MECOM: variants seen among roughly 807,000 people sequenced by gnomAD.
The protein encoded by MECOM is MDS1 and EVI1 complex locus.
A neutral mutation model predicts 116.3 loss-of-function variants in MECOM; 13 were observed. The observed-to-expected ratio is 0.11, with a 90% CI of 0.07 to 0.18. The LOEUF (loss-of-function observed/expected upper bound fraction) is 0.18. Among genes scored for constraint, MECOM ranks in the 10% least tolerant of loss-of-function variants. The pLI is 1.00. For missense variants in MECOM, 1,299 were observed against 1,509.0 expected (o/e 0.86, Z 2.31); for synonymous variants, 528 against 535.2 (o/e 0.99, Z 0.19).
intron 2 of MECOM, among the ~76,000 whole-genome samples, chr3:169,334,566 TGAG>T (rs147253684): frequency 0.011 from 1,618 of 152,202 alleles, 11 homozygotes; most frequent in East Asian, 0.043. Flanking sequence ...CGCTGGTTGA[TGAG>T]GAGAAGGTCA....
At chr3:169,419,128 G>A (rs1739266028) in intron 1 of MECOM, among the ~76,000 whole-genome samples, 1 of 152,148 alleles carries the variant, frequency 6.6e-6, no homozygotes, top group African/African-American at 2.4e-5. Context: ...CAAATCATGA[G>A]TGAATGTCAT....
chr3:169,659,088 A>AAAAAAAAAAAAAAAGAAAAG (rs1553909425), intron 1 of MECOM, among the ~76,000 whole-genome samples: 2 of 150,962 alleles, frequency 1.3e-5, no homozygotes, highest in African/African-American at 4.9e-5. Flanking sequence ...AAAAAAAAAA[A>AAAAAAAAAAAAAAAGAAAAG]AAAGAAAGAG....
At chr3:169,587,426 A>AACACACACACACACACAC (rs3980637) in intron 1 of MECOM, among the ~76,000 whole-genome samples, 1 of 140,990 alleles carries the variant, frequency 7.1e-6, no homozygotes, top group Non-Finnish European at 1.5e-5. Flanking sequence ...CCCACACGCC[A>AACACACACACACACACAC]ACACACACAC....
At chr3:169,499,246 A>T (rs1754218991) in intron 1 of MECOM, among the ~76,000 whole-genome samples, 1 of 151,240 alleles carries the variant, frequency 6.6e-6, no homozygotes, top group African/African-American at 2.4e-5. Context: ...AAGTACCAAA[A>T]AAGAAAAGTC....
intron 1 of MECOM, among the ~76,000 whole-genome samples, chr3:169,418,083 T>G (rs534212954): frequency 6.7e-6 from 1 of 148,780 alleles, no homozygotes; most frequent in African/African-American, 2.5e-5. Flanking sequence ...ATTGTGCACA[T>G]GTACCCTAAA....
intron 2 of MECOM, among the ~76,000 whole-genome samples, chr3:169,206,789 C>A (rs1749989713): frequency 6.6e-6 from 1 of 151,146 alleles, no homozygotes; most frequent in Admixed American, 6.6e-5. Flanking sequence ...TAGGTCCCAC[C>A]CCAGATTTAT....
chr3:169,482,600 C>T (rs575084024), intron 1 of MECOM, among the ~76,000 whole-genome samples: 140 of 152,122 alleles, frequency 9.2e-4, no homozygotes, highest in Middle Eastern at 3.4e-3. Context: ...TCCCAAAGTG[C>T]TGGGATTACG....
chr3:169,616,408 C>T lies in MECOM; in HGVS notation c.37+46928G>A, dbSNP rs1770011595. On this transcript the variant is annotated intron_variant, in intron 1 of 16. Transcript: ENST00000651503. ...TTGCCCAGGCTGGAGTACAGTGGCA[C>T]GATCTTGGTTCACTGCAACCTCCGC... Among the ~76,000 whole-genome samples the T allele has an allele frequency of 2.6e-5, 4 of 152,198 alleles. No homozygotes were observed. In the South Asian group the frequency reaches 6.2e-4, roughly 24 times the overall value.
chr3:169,404,838 C>G (rs1736434206), intron 1 of MECOM, among the ~76,000 whole-genome samples: 1 of 152,142 alleles, frequency 6.6e-6, no homozygotes. Flanking sequence ...CTAATCGAGC[C>G]CCCAGAAGAA....
At chr3:169,593,024 C>T (rs963096136) in intron 1 of MECOM, among the ~76,000 whole-genome samples, 1 of 152,140 alleles carries the variant, frequency 6.6e-6, no homozygotes, top group African/African-American at 2.4e-5. Flanking sequence ...TGTTTGTTTA[C>T]TGATTGTTTA....
intron 2 of MECOM, among the ~76,000 whole-genome samples, chr3:169,152,456 G>C (rs949101397): frequency 6.6e-6 from 1 of 152,128 alleles, no homozygotes; most frequent in Non-Finnish European, 1.5e-5. Flanking sequence ...TGTGGACAAG[G>C]TCAGGGCACC....
intron 1 of MECOM, among the ~76,000 whole-genome samples, chr3:169,450,593 AAT>A (rs1745394037): frequency 6.6e-6 from 1 of 151,984 alleles, no homozygotes; most frequent in African/African-American, 2.4e-5. Flanking sequence ...AAAAAAAAAA[AAT>A]GATGACAAAA....
intron 1 of MECOM, among the ~76,000 whole-genome samples, chr3:169,407,491 G>A (rs1736891539): frequency 6.6e-6 from 1 of 152,130 alleles, no homozygotes; most frequent in Non-Finnish European, 1.5e-5. Context: ...TAGAACATTT[G>A]TTATTATTTC....
chr3:169,481,552 CAAAT>C (rs1023663708), intron 1 of MECOM, among the ~76,000 whole-genome samples: 1 of 151,282 alleles, frequency 6.6e-6, no homozygotes, highest in Admixed American at 6.6e-5. Context: ...GACTCTATCT[CAAAT>C]AAATAAATAA....
chr3:169,367,635 G>A (rs148418221), intron 2 of MECOM, among the ~76,000 whole-genome samples: 2 of 152,078 alleles, frequency 1.3e-5, no homozygotes, highest in Non-Finnish European at 2.9e-5. Flanking sequence ...GACTTCCTAG[G>A]ATTAGATTAA....
intron 1 of MECOM, among the ~76,000 whole-genome samples, chr3:169,555,456 C>T (rs1761913798): frequency 6.6e-6 from 1 of 152,154 alleles, no homozygotes; most frequent in African/African-American, 2.4e-5. Context: ...ACTCCCAAGA[C>T]CCCCAAATAA....
intron 2 of MECOM, among the ~76,000 whole-genome samples, chr3:169,300,858 C>T (rs1716572745): frequency 6.6e-6 from 1 of 152,172 alleles, no homozygotes; most frequent in South Asian, 2.1e-4. Flanking sequence ...TATACTGGAG[C>T]CTGGGGTTCT....
At chr3:169,560,752 T>C (rs1274194084) in intron 1 of MECOM, among the ~76,000 whole-genome samples, 4 of 152,076 alleles carry the variant, frequency 2.6e-5, no homozygotes, top group South Asian at 2.1e-4. Flanking sequence ...ATATAGACCA[T>C]GTGTGCATTA....
chr3:169,492,198 T>C (rs747305743), intron 1 of MECOM, among the ~76,000 whole-genome samples: 1 of 152,106 alleles, frequency 6.6e-6, no homozygotes, highest in Admixed American at 6.5e-5. Context: ...ATGAGGCTAT[T>C]TAGATATTAT....
Sources: gnomAD v4.1 joint callset for allele counts (sites outside exome capture counted in the v4.1 genomes callset) on GRCh38, gnomAD v4.1.1 for gene constraint, MANE v1.5 for transcripts, NCBI Gene and HGNC (gene_info 2026-07-23, HGNC 2026-07-21) for gene names.